ACOT7: variants seen among roughly 807,000 people sequenced by gnomAD.
The protein encoded by ACOT7 is cytosolic acyl coenzyme A thioester hydrolase.
In ACOT7, 12 loss-of-function variants were observed where a neutral mutation model predicts 40.2. That is an observed-to-expected ratio of 0.30 (90% CI 0.19 to 0.48). The LOEUF (loss-of-function observed/expected upper bound fraction) is 0.48, where lower values mean the gene tolerates loss of function less well. ACOT7 is among the 20% of genes least tolerant of loss of function. ACOT7 has a pLI of 0.99. For synonymous variants in ACOT7, 228 were observed against 219.5 expected, an observed-to-expected ratio of 1.04 and a Z score of -0.34; for missense variants, 395 against 530.8, an observed-to-expected ratio of 0.74 and a Z score of 2.51.
intron 4 of ACOT7, 80 bp downstream of exon 4, chr1:6,333,397 G>A (rs1234790635): frequency 2.0e-6 from 3 of 1,519,738 alleles, no homozygotes; most frequent in African/African-American, 1.4e-5. Context: ...ACCCTTAGCT[G>A]AACGAGCCTC....
chr1:6,383,154 C>T (rs1248897585), intron 1 of ACOT7, among the ~76,000 whole-genome samples: 1 of 151,140 alleles, frequency 6.6e-6, no homozygotes, highest in Non-Finnish European at 1.5e-5. Flanking sequence ...GGTGGGAATA[C>T]AGGTGTGAGC....
intron 1 of ACOT7, among the ~76,000 whole-genome samples, chr1:6,366,740 C>T (rs917009199): frequency 8.6e-5 from 13 of 151,766 alleles, no homozygotes; most frequent in Admixed American, 6.6e-5. Context: ...ACTGCAACCT[C>T]CGTCTCCCGA....
In ACOT7 at chr1:6,346,022, G is replaced by A. The variant is rs531185467; in HGVS notation, c.261+3727C>T. ...CCTGCCCTCGTGGGGCTACCACTCT[G>A]TACAAGCACAGCAGGTCAGGAGTGG... On this transcript the variant is annotated intron_variant, in intron 2 of 8. Transcript: ENST00000361521. Among the ~76,000 whole-genome samples, 25 of 152,346 alleles carry A rather than the reference G, an allele frequency of 1.6e-4. No individual in the cohort carries two copies. The South Asian group carries it at 4.8e-3, about 29-fold the overall frequency.
chr1:6,357,279 G>C lies in ACOT7; in HGVS notation c.144-7413C>G, dbSNP rs150106308. ...AGTGCTAAAATGAAAACATTACTAC[G>C]TGAAACCCAGGGTAACCAGGGGTAG... On this transcript the variant is annotated intron_variant, in intron 1 of 8. Transcript: ENST00000361521. Among the ~76,000 whole-genome samples, 126 of 152,234 alleles carry C rather than the reference G, an allele frequency of 8.3e-4. 1 individual carries two copies. In the East Asian group the frequency reaches 0.022, roughly 27 times the overall value.
At chr1:6,298,844 G>T (rs1435531471) in intron 6 of ACOT7, among the ~76,000 whole-genome samples, 2 of 152,222 alleles carry the variant, frequency 1.3e-5, no homozygotes. Flanking sequence ...CGGCAAGGAA[G>T]TGAAAACACA....
intron 1 of ACOT7, among the ~76,000 whole-genome samples, chr1:6,353,920 C>G (rs1641666643): frequency 6.6e-6 from 1 of 152,156 alleles, no homozygotes; most frequent in African/African-American, 2.4e-5. Flanking sequence ...TTTCTCTGGG[C>G]CTGGCCCCAA....
intron 2 of ACOT7, among the ~76,000 whole-genome samples, chr1:6,347,735 C>G (rs1279812555): frequency 6.6e-6 from 1 of 151,694 alleles, no homozygotes; most frequent in Non-Finnish European, 1.5e-5. Flanking sequence ...CCATTGTACT[C>G]TAGCCTGGGT....
intron 1 of ACOT7, among the ~76,000 whole-genome samples, chr1:6,366,312 G>A (rs1037529668): frequency 1.2e-4 from 18 of 152,090 alleles, no homozygotes; most frequent in Non-Finnish European, 2.5e-4. Flanking sequence ...GCCAGGCACG[G>A]TGGCTCATGT....
chr1:6,272,218 G>T (rs1469678444), intron 8 of ACOT7, among the ~76,000 whole-genome samples: 1 of 152,262 alleles, frequency 6.6e-6, no homozygotes, highest in East Asian at 1.9e-4. Context: ...ACATAGCAGG[G>T]GCACAGGAGG....
At chr1:6,300,365 C>T (rs531105422) in intron 6 of ACOT7, among the ~76,000 whole-genome samples, 57 of 151,810 alleles carry the variant, frequency 3.8e-4, no homozygotes, top group Admixed American at 3.7e-3. Context: ...CCCAGCATGT[C>T]ACATAGAGGA....
At chr1:6,304,369 C>G (rs1193692241) in intron 6 of ACOT7, among the ~76,000 whole-genome samples, 6 of 148,624 alleles carry the variant, frequency 4.0e-5, no homozygotes, top group Non-Finnish European at 8.9e-5. Flanking sequence ...CCATCCGACC[C>G]GTACACAGGT....
At chr1:6,268,382 AT>A (rs1348427909) in intron 8 of ACOT7, among the ~76,000 whole-genome samples, 1 of 152,210 alleles carries the variant, frequency 6.6e-6, no homozygotes, top group African/African-American at 2.4e-5. Flanking sequence ...TTTTGCGTAT[AT>A]TTGACCTTTT....
At chr1:6,342,274 T>C (rs1320894246) in intron 2 of ACOT7, among the ~76,000 whole-genome samples, 1 of 151,978 alleles carries the variant, frequency 6.6e-6, no homozygotes, top group Non-Finnish European at 1.5e-5. Flanking sequence ...AAGACATTGA[T>C]CTCATTCATG....
At position 6,283,851 on chromosome 1, in the gene ACOT7, T is replaced by A. The variant is rs372851954; in HGVS notation, c.830-2565A>T. ...AATACTTTAAAACTGGAAACCTAAC[T>A]GGATATAGTGGCACACGCCTGTGGT... On this transcript the variant is annotated intron_variant, in intron 7 of 8. Coordinates refer to ENST00000361521, the MANE Select transcript of ACOT7 (RefSeq NM_007274.4). 2.0e-5 allele frequency among the ~76,000 whole-genome samples: 3 copies of A among 152,192 alleles called. No individual in the cohort carries two copies. In the East Asian group the frequency reaches 5.8e-4, roughly 29 times the overall value.
intron 6 of ACOT7, among the ~76,000 whole-genome samples, chr1:6,316,049 T>C (rs1372744314): frequency 2.6e-5 from 4 of 152,166 alleles, no homozygotes; most frequent in African/African-American, 9.7e-5. Flanking sequence ...GGGTGTGGAC[T>C]TTTCAGCACG....
Position 6,275,036 on chromosome 1 carries a change from C to T in ACOT7, c.1014+6066G>A, listed in dbSNP as rs531919401. Among the ~76,000 whole-genome samples the T allele has an allele frequency of 6.6e-6, 1 of 152,346 alleles. No individual in the cohort carries two copies. The highest frequency in any genetic ancestry group is 6.5e-5 in the Admixed American group (1 of 15,314). On this transcript the variant is annotated intron_variant, in intron 8 of 8. Transcript: ENST00000361521. This position sits in a 1 kb window ranked among gnomAD's most constrained non-coding sequence, Gnocchi z 5.6. ...CCGTGCGACCCCTGGCGAGTGACTC[C>T]CTGCCTGGTGCCCGCCTCCTGTCTG...
At chr1:6,381,255 C>T (rs1454728564) in intron 1 of ACOT7, among the ~76,000 whole-genome samples, 1 of 151,664 alleles carries the variant, frequency 6.6e-6, no homozygotes, top group African/African-American at 2.4e-5. Context: ...ATAACATGCA[C>T]ATAATATATA....
intron 7 of ACOT7, among the ~76,000 whole-genome samples, chr1:6,290,088 G>T (rs746332221): frequency 1.3e-5 from 2 of 152,164 alleles, no homozygotes; most frequent in African/African-American, 2.4e-5. Flanking sequence ...TCAGCACGAG[G>T]GGGGGAATGG....
intron 1 of ACOT7, among the ~76,000 whole-genome samples, chr1:6,385,248 C>T (rs1208790095): frequency 6.6e-6 from 1 of 151,822 alleles, no homozygotes; most frequent in Non-Finnish European, 1.5e-5. Context: ...CCCAGGGTTG[C>T]CAGGTCACCT....
Sources: allele counts gnomAD v4.1 joint callset (sites outside exome capture counted in the v4.1 genomes callset), GRCh38; gene constraint gnomAD v4.1.1; non-coding constraint Gnocchi (gnomAD v3.1); transcripts MANE v1.5; gene names NCBI Gene and HGNC (gene_info 2026-07-23, HGNC 2026-07-21).